The following SH3BP2 variants were observed in gnomAD, a reference collection of about 807,000 sequenced individuals.
SH3BP2 encodes SH3 domain binding protein 2, also known as SH3 domain-binding protein 2.
A neutral mutation model predicts 56.2 loss-of-function variants in SH3BP2; 38 were observed. The ratio of observed to expected loss-of-function variants is 0.68; its 90% CI spans 0.52 to 0.89. The LOEUF is 0.89. Ranked by LOEUF, SH3BP2 falls within the 40% of genes least tolerant of loss-of-function variation. The pLI is 0.00. For missense variants in SH3BP2, 748 were observed against 762.6 expected, an observed-to-expected ratio of 0.98 and a Z score of 0.23; for synonymous variants, 346 against 316.7, an observed-to-expected ratio of 1.09 and a Z score of -0.98.
At position 2,793,149 on chromosome 4, in the gene SH3BP2, G is replaced by GCGGCGGGACT. The variant is rs1241021560; in HGVS notation, c.-5+18_-5+19insACTCGGCGGG. Reference sequence around the variant, plus strand: ...GAGAGCGCTCGGCGGGTAAGCCTCGGCGGCGGGTCTCGGCGGGTCTCGGGG... The same window carrying GCGGCGGGACT: ...GAGAGCGCTCGGCGGGTAAGCCTCGGCGGCGGGACTCGGCGGGTCTCGGCGGGTCTCGGGG... On this transcript the variant is annotated intron_variant, in intron 1 of 12. Coordinates refer to ENST00000503393, the MANE Select transcript of SH3BP2 (RefSeq NM_001122681.2). The GCGGCGGGACT allele has an allele frequency of 1.3e-5, 2 of 150,430 alleles. No individual in the cohort carries two copies. The highest frequency in any genetic ancestry group is 2.4e-5 in the African/African-American group (1 of 41,042). The allele number at this position is 150,430 out of a possible 1,614,324, so 9.3% of individuals were successfully genotyped here.
At chr4:2,805,929 CG>C (rs1478151691) in intron 1 of SH3BP2, among the ~76,000 whole-genome samples, 2 of 152,134 alleles carry the variant, frequency 1.3e-5, no homozygotes, top group Non-Finnish European at 2.9e-5. Context: ...TGCCAAGGGC[CG>C]CGGGGAGACG....
rs1186542587 is a variant in SH3BP2, at chr4:2,831,730, G to C, written c.1350+51G>C. ...CCCAGTGGCCAGTAGGTGGACAGGT[G>C]GTGGGAAAGCCATAGGCCAGGGCGG... On this transcript the variant is annotated intron_variant, in intron 9 of 12. Transcript: ENST00000503393. This position sits in a 1 kb window ranked among gnomAD's most constrained non-coding sequence, Gnocchi z 4.1. 1.3e-6 allele frequency: 2 copies of C among 1,491,124 alleles called. No homozygotes were observed. Among genetic ancestry groups the C allele is most frequent in the Non-Finnish European group, 1.8e-6 (2 of 1,087,024 alleles). 92.4% of individuals were successfully genotyped at this position (1,491,124 alleles called of 1,614,324 possible).
Position 2,833,893 on chromosome 4 carries a change from A to C in SH3BP2, c.*59A>C. ...CACAGGGGCCCTGACCCCAGGCCAC[A>C]CAGACGGACATGGGCCCACATGGGA... On this transcript the variant is annotated 3_prime_UTR_variant, in exon 13 of 13. Coordinates refer to ENST00000503393, the MANE Select transcript of SH3BP2 (RefSeq NM_001122681.2). 6.6e-7 allele frequency: 1 copy of C among 1,511,414 alleles called. No individual in the cohort carries two copies. 93.6% of individuals were successfully genotyped at this position (1,511,414 alleles called of 1,614,324 possible).
Position 2,833,044 on chromosome 4 carries a change from GAGA to G in SH3BP2, c.1546_1548del (p.Lys516del), listed in dbSNP as rs780151532. The G allele has an allele frequency of 6.2e-7, 1 of 1,614,114 alleles. No homozygotes were observed. The highest frequency in any genetic ancestry group is 1.7e-5 in the Admixed American group (1 of 60,028). On this transcript the variant is annotated inframe_deletion and splice_region_variant, in exon 12 of 13. Coordinates refer to ENST00000503393, the MANE Select transcript of SH3BP2 (RefSeq NM_001122681.2). ...CAAAGTGAGGAACTATCGCATTTTT[GAGA>G]AGGTGAGAGGGCTCTGAGTGGGACG...
At chr4:2,803,284 C>G (rs1407931235) in intron 1 of SH3BP2, among the ~76,000 whole-genome samples, 1 of 152,226 alleles carries the variant, frequency 6.6e-6, no homozygotes, top group Non-Finnish European at 1.5e-5. Context: ...CTGACTGGCG[C>G]CCCTACTGCA....
At chr4:2,805,137 A>G (rs1723478295) in intron 1 of SH3BP2, among the ~76,000 whole-genome samples, 1 of 152,068 alleles carries the variant, frequency 6.6e-6, no homozygotes, top group Non-Finnish European at 1.5e-5. Context: ...GGTTGGCGGG[A>G]GCCCTCTGCT....
chr4:2,824,792 C>T (rs780183284), intron 4 of SH3BP2, 62 bp downstream of exon 4: 4 of 1,268,008 alleles, frequency 3.2e-6, no homozygotes, highest in Non-Finnish European at 4.6e-6. Flanking sequence ...AGGCACCAGG[C>T]TGGACCTGCC....
Position 2,829,877 on chromosome 4 carries a change from C to T in SH3BP2, c.971C>T (p.Ala324Val). The change falls in exon 8 of 13, where the codon GCC (alanine) becomes GTC (valine). Residue 324 changes from alanine to valine, a missense_variant. Physicochemically the swap from Ala to Val is moderately conservative, Grantham distance 64. Around this residue, in one of 3 missense-constraint regions of SH3BP2, gnomAD observed 635 missense variants for 615.0 expected, o/e 1.03. Coordinates refer to ENST00000503393, the MANE Select transcript of SH3BP2 (RefSeq NM_001122681.2). The surrounding 1 kb of genome is among the most constrained non-coding windows in gnomAD (Gnocchi z 4.9). ...ACSTSSAAIM[A>V]TATSRNCDKL... ...TCCACTTCCAGTGCTGCCATCATGG[C>T]CACTGCCACCTCCAGAAACTGTGAC... The T allele has an allele frequency of 6.2e-7, 1 of 1,613,880 alleles. No homozygotes were observed. The highest frequency in any genetic ancestry group is 8.5e-7 in the Non-Finnish European group (1 of 1,180,024).
Position 2,836,521 on chromosome 4 carries a change from G to A in SH3BP2, c.*2687G>A, listed in dbSNP as rs1725238985. 1 of 152,254 alleles carries A rather than the reference G, an allele frequency of 6.6e-6. No individual in the cohort carries two copies. Among genetic ancestry groups the A allele is most frequent in the Non-Finnish European group, 1.5e-5 (1 of 68,056 alleles). 9.4% of individuals were successfully genotyped at this position (152,254 alleles called of 1,614,324 possible). A position where few individuals can be genotyped will look rare whatever the true frequency, so the allele number is the denominator to read the frequency against. On this transcript the variant is annotated 3_prime_UTR_variant, in exon 13 of 13. Transcript: ENST00000503393. ...AGGCCTGGGTTCAAGTCCCACCTCT[G>A]CCACTAACTGGCATGTGACCCTATC... is the stretch of plus-strand genomic sequence containing the variant.
rs1723802027 is a variant in SH3BP2, at chr4:2,812,624, A to G, written c.-4-7990A>G. ...CAGGAGGTGGCCCTGAGCCTGCAAA[A>G]GGCAACAGGCTCTGAGGAGAGTGGC... On this transcript the variant is annotated intron_variant, in intron 1 of 12. Transcript: ENST00000503393. 5.7e-6 allele frequency: 6 copies of G among 1,056,052 alleles called. No individual in the cohort carries two copies. The East Asian group carries it at 1.6e-4, about 28-fold the overall frequency. 65.4% of individuals were successfully genotyped at this position (1,056,052 alleles called of 1,614,324 possible).
intron 11 of SH3BP2, 35 bp downstream of exon 11, chr4:2,832,447 T>A: frequency 6.4e-7 from 1 of 1,551,814 alleles, no homozygotes; most frequent in Non-Finnish European, 8.9e-7. Context: ...AGGGCCCCTC[T>A]GGCTCTCCAC....
chr4:2,800,596 G>T (rs925569560), intron 1 of SH3BP2, among the ~76,000 whole-genome samples: 1 of 152,138 alleles, frequency 6.6e-6, no homozygotes, highest in African/African-American at 2.4e-5. Flanking sequence ...TCACCTGGGG[G>T]CTCTGGGGAG....
chr4:2,833,336 ACT>A, intron 12 of SH3BP2: 1 of 578,184 alleles, frequency 1.7e-6, no homozygotes, highest in East Asian at 2.9e-5. Flanking sequence ...CAGGGGTCTC[ACT>A]GTCTTTCTCA....
intron 1 of SH3BP2, among the ~76,000 whole-genome samples, chr4:2,807,603 T>G (rs1723584035): frequency 6.6e-6 from 1 of 152,162 alleles, no homozygotes; most frequent in African/African-American, 2.4e-5. Context: ...TGGAGGTGAC[T>G]GCAGGTACCA....
intron 8 of SH3BP2, among the ~76,000 whole-genome samples, chr4:2,830,653 G>A (rs769952903): frequency 2.0e-5 from 3 of 152,188 alleles, no homozygotes; most frequent in Admixed American, 6.5e-5. Flanking sequence ...GTGAGCCACC[G>A]CGTCCTGCTG....
At chr4:2,823,384 C>A (rs775203633) in intron 3 of SH3BP2, 12 of 472,572 alleles carry the variant, frequency 2.5e-5, no homozygotes, top group African/African-American at 5.9e-5. Context: ...CCCACCATGA[C>A]CTCTTTCCAG....
At chr4:2,801,889 G>A (rs185486860) in intron 1 of SH3BP2, among the ~76,000 whole-genome samples, 2 of 151,760 alleles carry the variant, frequency 1.3e-5, no homozygotes, top group Non-Finnish European at 2.9e-5. Context: ...GGGTGGATTA[G>A]TTGAGGTCAG....
chr4:2,831,854 A>G lies in SH3BP2; in HGVS notation c.1351-69A>G, dbSNP rs1378869566. Reference sequence around the variant, plus strand: ...CCCCGGATCCCGGCACCGGGTGGCCACCGTCCGGGGAGTGGTGGTGCGGGT... The same window carrying G: ...CCCCGGATCCCGGCACCGGGTGGCCGCCGTCCGGGGAGTGGTGGTGCGGGT... On this transcript the variant is annotated intron_variant, in intron 9 of 12. Coordinates refer to ENST00000503393, the MANE Select transcript of SH3BP2 (RefSeq NM_001122681.2). The surrounding 1 kb of genome is among the most constrained non-coding windows in gnomAD (Gnocchi z 4.1). 1.3e-6 allele frequency: 2 copies of G among 1,544,334 alleles called. No homozygotes were observed. Among genetic ancestry groups the G allele is most frequent in the African/African-American group, 2.7e-5 (2 of 73,538 alleles).
chr4:2,814,159 TGTGCACGTCCTGTGTGA>T (rs1423588028), intron 1 of SH3BP2, among the ~76,000 whole-genome samples: 1 of 152,244 alleles, frequency 6.6e-6, no homozygotes, highest in African/African-American at 2.4e-5. Context: ...GTGCAGCTCA[TGTGCACGTCCTGTGTGA>T]GTGCACCACC....
Sources: allele counts gnomAD v4.1 joint callset (sites outside exome capture counted in the v4.1 genomes callset), GRCh38; gene constraint gnomAD v4.1.1; regional missense constraint gnomAD v4.1.1; non-coding constraint Gnocchi (gnomAD v3.1); transcripts MANE v1.5; gene names NCBI Gene and HGNC (gene_info 2026-07-23, HGNC 2026-07-21).